DCTN1: variants seen among roughly 807,000 people sequenced by gnomAD.
DCTN1 encodes the protein dynactin subunit 1.
A neutral mutation model predicts 161.2 loss-of-function variants in DCTN1; 61 were observed. The ratio of observed to expected loss-of-function variants is 0.38; its 90% CI spans 0.31 to 0.47. DCTN1 has a LOEUF of 0.47. DCTN1 is among the 20% of genes least tolerant of loss of function. The pLI, the probability that DCTN1 is intolerant of heterozygous loss-of-function variation, is 0.99. For missense variants in DCTN1, 1,404 were observed against 1,623.7 expected (o/e 0.86, Z 2.33); for synonymous variants, 653 against 632.4 (o/e 1.03, Z -0.49).
intron 23 of DCTN1, 68 bp from the exon 24 acceptor site, chr2:74,366,086 C>G (rs1051611543): frequency 1.1e-5 from 17 of 1,613,090 alleles, no homozygotes; most frequent in Admixed American, 3.3e-5. Flanking sequence ...GTGCTCCTTA[C>G]AGAGAGATCC....
At chr2:74,373,958 T>C (rs377278100) in intron 6 of DCTN1, among the ~76,000 whole-genome samples, 4 of 152,210 alleles carry the variant, frequency 2.6e-5, no homozygotes, top group South Asian at 2.1e-4. Context: ...CTAGCAAAGG[T>C]TGGGTGAGGC....
intron 1 of DCTN1, chr2:74,386,666 C>T (rs554872220): frequency 6.6e-6 from 1 of 152,358 alleles, no homozygotes; most frequent in South Asian, 2.1e-4. Context: ...CAGCAGATAA[C>T]CTTGCTGAAA....
At chr2:74,373,044 G>A (rs1558944891) in intron 6 of DCTN1, 96 bp from the exon 7 acceptor site, 1 of 1,157,048 alleles carries the variant, frequency 8.6e-7, no homozygotes, top group Non-Finnish European at 1.3e-6. Flanking sequence ...GAGAGCAGAA[G>A]AAATAACAGG....
intron 28 of DCTN1, 27 bp from the exon 29 acceptor site, chr2:74,363,204 G>C (rs371135788): frequency 4.3e-6 from 7 of 1,614,030 alleles, no homozygotes; most frequent in Non-Finnish European, 5.9e-6. Context: ...AAGGATAGTG[G>C]TAAGAGGTGC....
chr2:74,370,145 T>G lies in DCTN1; in HGVS notation c.1287+41A>C, dbSNP rs1248803779. ...GAGGAGGCATCAACTGATAGGAGAG[T>G]CAGGTGGGGGATTCTGGGTGAGGGG... On this transcript the variant is annotated intron_variant, in intron 12 of 31. Coordinates refer to ENST00000628224, the MANE Select transcript of DCTN1 (RefSeq NM_004082.5). This position sits in a 1 kb window ranked among gnomAD's most constrained non-coding sequence, Gnocchi z 4.4. 6.2e-7 allele frequency: 1 copy of G among 1,613,458 alleles called. No individual in the cohort carries two copies. Among genetic ancestry groups the G allele is most frequent in the Non-Finnish European group, 8.5e-7 (1 of 1,179,928 alleles).
chr2:74,362,473 G>A (rs189654146), intron 30 of DCTN1, among the ~76,000 whole-genome samples, 177 bp downstream of exon 30: 77 of 152,272 alleles, frequency 5.1e-4, no homozygotes, highest in African/African-American at 1.7e-3. Flanking sequence ...TTTGTTATGA[G>A]AATCTGTCTT....
exon 1 of DCTN1, chr2:74,391,860 G>GGCCGGCCCC (rs1676025804): frequency 1.1e-5 from 5 of 453,192 alleles, no homozygotes; most frequent in Non-Finnish European, 2.2e-5. Context: ...GACCCTGCGG[G>GGCCGGCCCC]GCCGGCCCCG....
chr2:74,365,559 C>G lies in DCTN1; in HGVS notation c.2985G>C (p.Gln995His). The change falls in exon 25 of 32, where the codon CAG becomes CAC. Residue 995 changes from glutamine (Q) to histidine (H), a missense_variant. Coordinates refer to ENST00000628224, the MANE Select transcript of DCTN1 (RefSeq NM_004082.5). The stretch of plus-strand genomic sequence containing the variant: ...GTGCCTGGGTCTCCTCCAGCCGAGT[C>G]TGGACTTTCTCGATGCGCTCATCTG... ...KDADERIEKVQTRLEETQALL... is the reference protein window; with the variant it reads ...KDADERIEKVHTRLEETQALL... 1 of 1,614,158 alleles carries G rather than the reference C, an allele frequency of 6.2e-7. No individual in the cohort carries two copies. The highest frequency in any genetic ancestry group is 8.5e-7 in the Non-Finnish European group (1 of 1,180,028).
At chr2:74,377,970 T>C (rs1228937020) in intron 2 of DCTN1, 30 bp downstream of exon 2, 12 of 1,613,124 alleles carry the variant, frequency 7.4e-6, no homozygotes, top group African/African-American at 4.0e-5. Flanking sequence ...TGTGCACACA[T>C]GCACAGACAC....
At chr2:74,386,826 C>G (rs2103768741) in intron 1 of DCTN1, 1 of 152,020 alleles carries the variant, frequency 6.6e-6, no homozygotes, top group Non-Finnish European at 1.5e-5. Flanking sequence ...CAGGGCCCAC[C>G]CCTTCCCCTC....
intron 18 of DCTN1, 89 bp from the exon 19 acceptor site, chr2:74,367,509 G>A (rs1452698035): frequency 4.4e-5 from 67 of 1,524,002 alleles, no homozygotes; most frequent in Non-Finnish European, 3.6e-6. Flanking sequence ...TGGTCATCAT[G>A]GGTCTCTGGA....
chr2:74,390,000 C>T (rs1675921703), intron 1 of DCTN1, among the ~76,000 whole-genome samples: 2 of 152,172 alleles, frequency 1.3e-5, no homozygotes, highest in Non-Finnish European at 2.9e-5. Context: ...ACATCTTTCA[C>T]TGATAATCTC....
intron 5 of DCTN1, among the ~76,000 whole-genome samples, chr2:74,376,100 G>A (rs901090937): frequency 7.9e-5 from 12 of 152,176 alleles, no homozygotes; most frequent in African/African-American, 2.2e-4. Context: ...GGGAGGGGAC[G>A]TGACATGATT....
intron 1 of DCTN1, among the ~76,000 whole-genome samples, chr2:74,390,094 C>T (rs1675925824): frequency 6.6e-6 from 1 of 152,200 alleles, no homozygotes; most frequent in African/African-American, 2.4e-5. Flanking sequence ...AGATACTTTT[C>T]TAGTCTTGCA....
chr2:74,365,654 C>T lies in DCTN1; in HGVS notation c.2890G>A (p.Glu964Lys). 6.2e-7 allele frequency: 1 copy of T among 1,614,128 alleles called. No homozygotes were observed. The highest frequency in any genetic ancestry group is 8.5e-7 in the Non-Finnish European group (1 of 1,180,036). ...CGCACATTGGCCTCACTTAGCTCCT[C>T]TCCCTGGACAAGGACAGAACTTCTA... Reference protein sequence around the residue: ...ELKKSLKIKGEELSEANVRLS... With the variant: ...ELKKSLKIKGKELSEANVRLS... Residue 964 changes from glutamate (E) to lysine (K), a missense_variant, in exon 25 of 32, where the codon GAG becomes AAG. Physicochemically the swap from Glu to Lys is moderately conservative, Grantham distance 56. This residue lies in a region of DCTN1 where 475 missense variants were observed against 489.8 expected (regional missense o/e 0.97). Transcript: ENST00000628224.
At chr2:74,374,568 C>CAG (rs1675108325) in intron 5 of DCTN1, 3 of 1,337,304 alleles carry the variant, frequency 2.2e-6, no homozygotes, top group African/African-American at 3.0e-5. Flanking sequence ...CGCTCTGACA[C>CAG]AGAGGCCCCC....
chr2:74,383,656 C>T (rs918643602), upstream of DCTN1: 2 of 152,182 alleles, frequency 1.3e-5, no homozygotes, highest in Admixed American at 6.5e-5. Flanking sequence ...AGTTCAGAGA[C>T]AGTACCAAAA....
intron 17 of DCTN1, 43 bp downstream of exon 17, chr2:74,367,928 C>T: frequency 6.2e-7 from 1 of 1,614,220 alleles, no homozygotes; most frequent in Non-Finnish European, 8.5e-7. Flanking sequence ...TCTGGCCAAT[C>T]CTGGACCCCC....
rs900085102 is a variant in DCTN1 at position 74,374,672 on chromosome 2, G to A, written c.415-332C>T. The A allele has an allele frequency of 2.5e-5, 30 of 1,204,926 alleles. 1 individual carries two copies. The highest frequency in any genetic ancestry group is 2.2e-4 in the South Asian group (14 of 63,396). 74.6% of individuals were successfully genotyped at this position (1,204,926 alleles called of 1,614,324 possible). On this transcript the variant is annotated intron_variant, in intron 5 of 31. Coordinates refer to ENST00000628224, the MANE Select transcript of DCTN1 (RefSeq NM_004082.5). ...TAGGCTGATGGCAGCCTCAGTGGCC[G>A]CAGCACCAGCTCCACCTGACGTCAT...
Sources: gnomAD v4.1 joint callset for allele counts (sites outside exome capture counted in the v4.1 genomes callset) on GRCh38, gnomAD v4.1.1 for gene constraint, gnomAD v4.1.1 regional missense constraint, Gnocchi (gnomAD v3.1) non-coding constraint, MANE v1.5 for transcripts, NCBI Gene and HGNC (gene_info 2026-07-23, HGNC 2026-07-21) for gene names.